FAM118B: variants seen among roughly 807,000 people sequenced by gnomAD.
FAM118B encodes the protein SIR2 antiphage like 1, also known as protein FAM118B.
A neutral mutation model predicts 38.5 loss-of-function variants in FAM118B; 24 were observed. The ratio of observed to expected loss-of-function variants is 0.62; its 90% confidence interval spans 0.45 to 0.88. The LOEUF (loss-of-function observed/expected upper bound fraction) is 0.88. FAM118B is among the 40% of genes least tolerant of loss of function. The pLI is 0.00. For synonymous variants in FAM118B, 138 were observed against 156.3 expected, an observed-to-expected ratio of 0.88 and a Z score of 0.87; for missense variants, 334 against 420.0, an observed-to-expected ratio of 0.80 and a Z score of 1.79.
At position 126,261,539 on chromosome 11, in the gene FAM118B, G is replaced by T. The variant is rs1238959800; in HGVS notation, c.1042+55G>T. 4.1e-6 allele frequency: 6 copies of T among 1,452,296 alleles called. No homozygotes were observed. In the Admixed American group the frequency reaches 8.6e-5, roughly 21 times the overall value. The allele number at this position is 1,452,296 out of a possible 1,614,324, so 90.0% of individuals were successfully genotyped here. ...ACTCTGTAGCAGAAAGTCTTTCTAG[G>T]TCCTTGGTTAAGAATATAGAGAATG... On this transcript the variant is annotated intron_variant, in intron 8 of 8. Coordinates refer to ENST00000533050, the MANE Select transcript of FAM118B (RefSeq NM_024556.4).
rs572382364 is a variant in FAM118B, at chr11:126,252,026, G to A, written c.567+1293G>A. ...TTTGAGATGGAGTTTTGCTCTTGTC[G>A]CCCAGGCTGAAGTGCAATGGCATGA... On this transcript the variant is annotated intron_variant, in intron 5 of 8. Transcript: ENST00000533050. This position sits in a 1 kb window ranked among gnomAD's most constrained non-coding sequence, Gnocchi z 4.7. Among the ~76,000 whole-genome samples, 1 of 151,494 alleles carries A rather than the reference G, an allele frequency of 6.6e-6. No homozygotes were observed. The highest frequency in any genetic ancestry group is 2.1e-4 in the South Asian group (1 of 4,806).
At chr11:126,242,470 A>G (rs1591517949) in intron 4 of FAM118B, among the ~76,000 whole-genome samples, 1 of 152,344 alleles carries the variant, frequency 6.6e-6, no homozygotes, top group Non-Finnish European at 1.5e-5. Context: ...AGAATGAGAA[A>G]ATGTTAGCAA....
At chr11:126,241,101 A>G in intron 4 of FAM118B, 57 bp downstream of exon 4, 1 of 1,493,818 alleles carries the variant, frequency 6.7e-7, no homozygotes, top group Non-Finnish European at 9.0e-7. Flanking sequence ...TAACTATCAC[A>G]ACTAGCATGA....
In FAM118B at chr11:126,240,821, A is replaced by C. The variant is rs1950346335; in HGVS notation, c.116A>C (p.Lys39Thr). 1 of 1,607,034 alleles carries C rather than the reference A, an allele frequency of 6.2e-7. No homozygotes were observed. The highest frequency in any genetic ancestry group is 1.3e-5 in the African/African-American group (1 of 74,472). ...RKLLPSLKTK[K>T]PRELVLVIGT... ...CTGCTTCCAAGCTTAAAAACTAAGAAGCCTCGAGAACTTGTGCTAGTGATT... is the reference window on the plus strand; with the variant it reads ...CTGCTTCCAAGCTTAAAAACTAAGACGCCTCGAGAACTTGTGCTAGTGATT... The change falls in exon 4 of 9, where the codon AAG becomes ACG. Residue 39 changes from lysine (K) to threonine (T), a missense_variant. Physicochemically the swap from Lys to Thr is moderately conservative, Grantham distance 78. Transcript: ENST00000533050.
intron 3 of FAM118B, among the ~76,000 whole-genome samples, chr11:126,238,678 T>G (rs760773040): frequency 3.9e-5 from 6 of 152,204 alleles, no homozygotes; most frequent in Non-Finnish European, 5.9e-5. Flanking sequence ...TCTAGCCTGC[T>G]GAAAGTTGTA....
chr11:126,246,756 T>C (rs1395534951), intron 4 of FAM118B, among the ~76,000 whole-genome samples: 1 of 152,140 alleles, frequency 6.6e-6, no homozygotes, highest in Non-Finnish European at 1.5e-5. Context: ...TTCTTGTTTT[T>C]ACTAAGTTTC....
chr11:126,245,911 G>A (rs1950413236), intron 4 of FAM118B, among the ~76,000 whole-genome samples: 2 of 151,324 alleles, frequency 1.3e-5, no homozygotes, highest in South Asian at 4.2e-4. Context: ...CAGGAGAATT[G>A]CTTGAACCCG....
At chr11:126,240,341 C>T (rs1204078943) in intron 3 of FAM118B, among the ~76,000 whole-genome samples, 3 of 151,718 alleles carry the variant, frequency 2.0e-5, no homozygotes, top group African/African-American at 7.3e-5. Flanking sequence ...TGCCTTTCCC[C>T]TAGTGTTTTA....
intron 1 of FAM118B, among the ~76,000 whole-genome samples, chr11:126,223,673 G>T (rs780704903): frequency 6.6e-5 from 10 of 151,762 alleles, no homozygotes; most frequent in Non-Finnish European, 1.2e-4. Flanking sequence ...TAAAATAAGA[G>T]AAACTGATTT....
intron 5 of FAM118B, among the ~76,000 whole-genome samples, chr11:126,251,627 C>T (rs1950505040): frequency 6.6e-6 from 1 of 152,184 alleles, no homozygotes; most frequent in East Asian, 1.9e-4. Flanking sequence ...CTAGGGATCC[C>T]CTCCTGAGAG....
chr11:126,222,619 G>T (rs1184973705), intron 1 of FAM118B, among the ~76,000 whole-genome samples: 1 of 152,234 alleles, frequency 6.6e-6, no homozygotes, highest in Non-Finnish European at 1.5e-5. Flanking sequence ...CTTTAAACAG[G>T]TGAGTGGTGG....
intron 4 of FAM118B, among the ~76,000 whole-genome samples, chr11:126,243,074 A>T (rs1372070886): frequency 6.6e-6 from 1 of 152,242 alleles, no homozygotes. Flanking sequence ...TGAACCTTGA[A>T]AACATTAAGT....
At chr11:126,236,002 A>T (rs1950269806) in intron 3 of FAM118B, among the ~76,000 whole-genome samples, 1 of 152,216 alleles carries the variant, frequency 6.6e-6, no homozygotes, top group Non-Finnish European at 1.5e-5. Context: ...ACAGAAGAAT[A>T]AATCTCCTAG....
At chr11:126,226,512 T>C (rs546539543) in intron 1 of FAM118B, among the ~76,000 whole-genome samples, 2 of 152,322 alleles carry the variant, frequency 1.3e-5, no homozygotes, top group Middle Eastern at 3.4e-3. Context: ...TTCCTATCAC[T>C]GTGAGTTAGA....
chr11:126,211,781 TGCGCCGGCCGGTA>T lies in FAM118B; in HGVS notation c.-123_-111del, dbSNP rs1484625883. On this transcript the variant is annotated 5_prime_UTR_variant, in exon 1 of 9. Transcript: ENST00000533050. Reference sequence around the variant, plus strand: ...GGGGACGGTGCGCGCTCAGTGCGGCTGCGCCGGCCGGTAGCTGCAGCTGGAGCAGTGGCGTTTG... The same window carrying T: ...GGGGACGGTGCGCGCTCAGTGCGGCTGCTGCAGCTGGAGCAGTGGCGTTTG... The T allele has an allele frequency of 1.2e-5, 11 of 893,210 alleles. No individual in the cohort carries two copies. The highest frequency in any genetic ancestry group is 1.2e-5 in the Non-Finnish European group (7 of 596,182). 55.3% of individuals were successfully genotyped at this position (893,210 alleles called of 1,614,324 possible).
intron 3 of FAM118B, among the ~76,000 whole-genome samples, chr11:126,235,662 G>A (rs1809848309): frequency 6.6e-6 from 1 of 152,264 alleles, no homozygotes; most frequent in South Asian, 2.1e-4. Context: ...GAGATCACAG[G>A]TGCCTGCCAC....
At chr11:126,215,416 T>G (rs1488020511) in intron 1 of FAM118B, among the ~76,000 whole-genome samples, 3 of 152,206 alleles carry the variant, frequency 2.0e-5, no homozygotes, top group Non-Finnish European at 4.4e-5. Flanking sequence ...TTAAGATTTC[T>G]GGCCAGGCGC....
rs867617943 is a variant in FAM118B, at chr11:126,259,878, A to G, written c.983-1547A>G. On this transcript the variant is annotated intron_variant, in intron 7 of 8. Transcript: ENST00000533050. ...TGGGACTAAAGGCGCCCGCCACCAC[A>G]CCCGGCTAATTTTTTGTATTTTTAG... Among the ~76,000 whole-genome samples the G allele has an allele frequency of 7.8e-4, 110 of 140,674 alleles. 1 individual carries two copies. In the Middle Eastern group the frequency reaches 0.059, roughly 75 times the overall value. 92.3% of individuals were successfully genotyped at this position (140,674 alleles called of 152,430 possible).
intron 8 of FAM118B, 41 bp downstream of exon 8, chr11:126,261,525 G>C: frequency 5.2e-6 from 8 of 1,543,808 alleles, no homozygotes; most frequent in African/African-American, 1.4e-5. Flanking sequence ...CTCTGTAGCA[G>C]AAAGTCTTTC....
Sources: gnomAD v4.1 joint callset for allele counts (sites outside exome capture counted in the v4.1 genomes callset) on GRCh38, gnomAD v4.1.1 for gene constraint, Gnocchi (gnomAD v3.1) non-coding constraint, MANE v1.5 for transcripts, NCBI Gene and HGNC (gene_info 2026-07-23, HGNC 2026-07-21) for gene names.